Variants in KCND2 observed in about 807,000 individuals in gnomAD.
The protein encoded by KCND2 is potassium voltage-gated channel subfamily D member 2.
In KCND2, 16 loss-of-function variants were observed where a neutral mutation model predicts 54.4. The ratio of observed to expected loss-of-function variants is 0.29; its 90% CI spans 0.20 to 0.45. The LOEUF is 0.45. Among genes scored for constraint, KCND2 ranks in the 20% least tolerant of loss-of-function variants. The pLI, the probability that KCND2 is intolerant of heterozygous loss-of-function variation, is 1.00. For missense variants in KCND2, 486 were observed against 824.2 expected (o/e 0.59, Z 5.02); for synonymous variants, 317 against 310.7 (o/e 1.02, Z -0.21).
intron 1 of KCND2, among the ~76,000 whole-genome samples, chr7:120,359,774 C>A (rs543626686): frequency 6.6e-6 from 1 of 152,096 alleles, no homozygotes; most frequent in South Asian, 2.1e-4. Flanking sequence ...AAGGAGGGAC[C>A]AGAAGGGAGG....
At chr7:120,492,109 T>A (rs1161957312) in intron 1 of KCND2, among the ~76,000 whole-genome samples, 1 of 152,112 alleles carries the variant, frequency 6.6e-6, no homozygotes, top group East Asian at 1.9e-4. Flanking sequence ...CAAAAGAAAG[T>A]AATTGATTTC....
chr7:120,466,647 A>G (rs1367138377), intron 1 of KCND2, among the ~76,000 whole-genome samples: 1 of 152,180 alleles, frequency 6.6e-6, no homozygotes, highest in Non-Finnish European at 1.5e-5. Flanking sequence ...ATTCTGAGAA[A>G]CACTGCTTGT....
At chr7:120,691,537 A>G (rs1354005478) in intron 1 of KCND2, among the ~76,000 whole-genome samples, 2 of 152,306 alleles carry the variant, frequency 1.3e-5, no homozygotes, top group East Asian at 3.9e-4. Context: ...TGCTACCTTC[A>G]AGTAAACTGG....
At chr7:120,566,951 A>G (rs745439182) in intron 1 of KCND2, among the ~76,000 whole-genome samples, 21 of 152,142 alleles carry the variant, frequency 1.4e-4, no homozygotes, top group Non-Finnish European at 4.4e-5. Flanking sequence ...GTTGATGATT[A>G]TGCTTTACAA....
chr7:120,653,084 G>A (rs1472608518), intron 1 of KCND2, among the ~76,000 whole-genome samples: 1 of 152,026 alleles, frequency 6.6e-6, no homozygotes, highest in Non-Finnish European at 1.5e-5. Flanking sequence ...CTAGACTGGA[G>A]GGCAGAGGCA....
chr7:120,498,056 A>G (rs1802875501), intron 1 of KCND2, among the ~76,000 whole-genome samples: 1 of 152,240 alleles, frequency 6.6e-6, no homozygotes, highest in African/African-American at 2.4e-5. Flanking sequence ...CTGTCACTTA[A>G]AAGAGATATC....
At chr7:120,488,262 A>G (rs924804392) in intron 1 of KCND2, among the ~76,000 whole-genome samples, 14 of 152,188 alleles carry the variant, frequency 9.2e-5, no homozygotes, top group Non-Finnish European at 1.9e-4. Context: ...CCAAGAAAAC[A>G]GTAACAATGG....
At chr7:120,501,369 T>C (rs1038505594) in intron 1 of KCND2, among the ~76,000 whole-genome samples, 5 of 152,140 alleles carry the variant, frequency 3.3e-5, no homozygotes, top group Non-Finnish European at 7.4e-5. Context: ...TTGTACATCG[T>C]AGAAGAGAAT....
chr7:120,529,916 TA>T (rs1417765812), intron 1 of KCND2, among the ~76,000 whole-genome samples: 1 of 151,970 alleles, frequency 6.6e-6, no homozygotes. Flanking sequence ...ACTCTGTCTC[TA>T]AAAAAATTTA....
chr7:120,708,904 T>C (rs1792503010), intron 1 of KCND2, among the ~76,000 whole-genome samples: 1 of 152,172 alleles, frequency 6.6e-6, no homozygotes, highest in African/African-American at 2.4e-5. Flanking sequence ...CTGTTTTGTT[T>C]ACCCAGTAGG....
At chr7:120,336,580 T>G (rs1800155715) in intron 1 of KCND2, among the ~76,000 whole-genome samples, 1 of 152,196 alleles carries the variant, frequency 6.6e-6, no homozygotes, top group Non-Finnish European at 1.5e-5. Flanking sequence ...AATAATTACA[T>G]AAACCATTTG....
chr7:120,482,381 C>T (rs1414455791), intron 1 of KCND2, among the ~76,000 whole-genome samples: 1 of 152,058 alleles, frequency 6.6e-6, no homozygotes, highest in Non-Finnish European at 1.5e-5. Flanking sequence ...TTTGAACTGG[C>T]ACTGGAACCA....
chr7:120,288,958 C>T (rs768035296), intron 1 of KCND2, among the ~76,000 whole-genome samples: 1 of 151,806 alleles, frequency 6.6e-6, no homozygotes, highest in Admixed American at 6.6e-5. Flanking sequence ...GTCTTATCAA[C>T]TGCTTGTAAG....
At chr7:120,460,924 G>A (rs1179309858) in intron 1 of KCND2, among the ~76,000 whole-genome samples, 1 of 152,136 alleles carries the variant, frequency 6.6e-6, no homozygotes, top group Non-Finnish European at 1.5e-5. Context: ...TACCTTCCCA[G>A]ATAGTTAAGG....
In KCND2 at chr7:120,389,518, C is replaced by T. The variant is rs543382624; in HGVS notation, c.1115+113771C>T. ...TTTATTCCCTTTGACCTCCATCTTC[C>T]CATTTCAATCCTGCCATCCTCTCCC... On this transcript the variant is annotated intron_variant, in intron 1 of 5. Coordinates refer to ENST00000331113, the MANE Select transcript of KCND2 (RefSeq NM_012281.3). Among the ~76,000 whole-genome samples, 3 of 151,622 alleles carry T rather than the reference C, an allele frequency of 2.0e-5. No individual in the cohort carries two copies. In the South Asian group the frequency reaches 6.2e-4, roughly 31 times the overall value.
chr7:120,468,757 A>G (rs567844500), intron 1 of KCND2, among the ~76,000 whole-genome samples: 2 of 152,128 alleles, frequency 1.3e-5, no homozygotes, highest in Admixed American at 6.6e-5. Flanking sequence ...GAAGAACTTA[A>G]CGGCTGAATT....
intron 1 of KCND2, among the ~76,000 whole-genome samples, chr7:120,315,155 A>C (rs1265672576): frequency 6.6e-6 from 1 of 152,188 alleles, no homozygotes; most frequent in East Asian, 1.9e-4. Context: ...AGATCCATGC[A>C]AGCTTGAAAG....
intron 1 of KCND2, among the ~76,000 whole-genome samples, chr7:120,677,098 A>G (rs951121302): frequency 2.0e-5 from 3 of 152,218 alleles, no homozygotes; most frequent in African/African-American, 7.2e-5. Context: ...CGGGAACTCT[A>G]TCAGTGATCA....
rs117940817 is a variant in KCND2, at chr7:120,731,563, G to A, written c.1116-1340G>A. 5.2e-4 allele frequency among the ~76,000 whole-genome samples: 79 copies of A among 152,284 alleles called. 1 individual carries two copies. The East Asian group carries it at 0.014, about 26-fold the overall frequency. On this transcript the variant is annotated intron_variant, in intron 1 of 5. Transcript: ENST00000331113. ...CTTGGAGGCAAAACTGAGGAGTTTG[G>A]ATTTATTTCAGTTTCAAGTCCATGT...
Sources: gnomAD v4.1 joint callset for allele counts (sites outside exome capture counted in the v4.1 genomes callset) on GRCh38, gnomAD v4.1.1 for gene constraint, MANE v1.5 for transcripts, NCBI Gene and HGNC (gene_info 2026-07-23, HGNC 2026-07-21) for gene names.